RFPL4B: variants seen among roughly 807,000 people sequenced by gnomAD.
RFPL4B encodes ret finger protein-like 4B.
For synonymous variants in RFPL4B, 118 were observed against 126.3 expected, an observed-to-expected ratio of 0.93 and a Z score of 0.44; for missense variants, 314 against 327.7, an observed-to-expected ratio of 0.96 and a Z score of 0.32.
At chr6:112,348,104 G>A (rs1478407770) in intron 1 of RFPL4B, among the ~76,000 whole-genome samples, 2 of 152,162 alleles carry the variant, frequency 1.3e-5, no homozygotes, top group Non-Finnish European at 2.9e-5. Flanking sequence ...CATTTGGGAT[G>A]GTAGTTAACA....
chr6:112,350,372 G>T lies in RFPL4B; in HGVS notation c.664G>T (p.Asp222Tyr), dbSNP rs1562146796. The change falls in exon 3 of 3, where the codon GAT (aspartate) becomes TAT (tyrosine). Residue 222 changes from aspartate to tyrosine, a missense_variant. Transcript: ENST00000441065. ...TGACTTAGAAGAAATCCAGTTTTTT[G>T]ATGTTGACAATAATGTCCTCATCTA... ...DADLEEIQFF[D>Y]VDNNVLIYTH... 1 of 1,614,046 alleles carries T rather than the reference G, an allele frequency of 6.2e-7. No individual in the cohort carries two copies.
chr6:112,350,538 AAG>A lies in RFPL4B; in HGVS notation c.*42_*43del. On this transcript the variant is annotated 3_prime_UTR_variant, in exon 3 of 3. Transcript: ENST00000441065. ...TTCCTAGAAGCTTTCTGAGAGGTGA[AAG>A]AGAATTTTGGCCTGAGAAAGGTCAG... 5 of 1,514,522 alleles carry A rather than the reference AAG, an allele frequency of 3.3e-6. No individual in the cohort carries two copies. The highest frequency in any genetic ancestry group is 4.4e-6 in the Non-Finnish European group (5 of 1,127,288). The allele number at this position is 1,514,522 out of a possible 1,614,324, so 93.8% of individuals were successfully genotyped here. A position where few individuals can be genotyped will look rare whatever the true frequency, so the allele number is the denominator to read the frequency against.
At position 112,350,139 on chromosome 6, in the gene RFPL4B, G is replaced by A; in HGVS notation, c.431G>A (p.Gly144Asp). 3 of 1,614,180 alleles carry A rather than the reference G, an allele frequency of 1.9e-6. No homozygotes were observed. Among genetic ancestry groups the A allele is most frequent in the Non-Finnish European group, 2.5e-6 (3 of 1,180,030 alleles). ...CTGGGTACTCCCTGCTTCTCCTCCG[G>A]CCAACATTACTGGGAGGTTGAAGTG... ...CVLGTPCFSS[G>D]QHYWEVEVGE... The change falls in exon 3 of 3, where the codon GGC becomes GAC. Residue 144 changes from glycine to aspartate, a missense_variant. By Grantham distance (94) the Gly-to-Asp change is moderately conservative. Transcript: ENST00000441065.
Position 112,350,385 on chromosome 6 carries a change from A to G in RFPL4B, c.677A>G (p.Asn226Ser). 1 of 1,614,094 alleles carries G rather than the reference A, an allele frequency of 6.2e-7. No homozygotes were observed. Among genetic ancestry groups the G allele is most frequent in the Non-Finnish European group, 8.5e-7 (1 of 1,179,948 alleles). The stretch of plus-strand genomic sequence containing the variant: ...ATCCAGTTTTTTGATGTTGACAATA[A>G]TGTCCTCATCTATACACATGATGGT... Reference protein sequence around the residue: ...EEIQFFDVDNNVLIYTHDGFF... With the variant: ...EEIQFFDVDNSVLIYTHDGFF... Residue 226 changes from asparagine to serine, a missense_variant, in exon 3 of 3, where the codon AAT becomes AGT. By Grantham distance (46) the Asn-to-Ser change is conservative. Coordinates refer to ENST00000441065, the MANE Select transcript of RFPL4B (RefSeq NM_001013734.3).
rs201836656 is a variant in RFPL4B at position 112,350,292 on chromosome 6, T to C, written c.584T>C (p.Leu195Pro). Residue 195 changes from leucine to proline, a missense_variant, in exon 3 of 3, where the codon CTG becomes CCG. Coordinates refer to ENST00000441065, the MANE Select transcript of RFPL4B (RefSeq NM_001013734.3). ...GGAGCAATCCATGCTAACACCCACC[T>C]GGAGAGAATTCCTGCAAGCCCTCGC... ...KAGAIHANTH[L>P]ERIPASPRLR... is the part of the protein sequence containing the mutation. 272 of 1,614,246 alleles carry C rather than the reference T, an allele frequency of 1.7e-4. 3 individuals are homozygous for C. The South Asian group carries it at 2.9e-3, about 17-fold the overall frequency.
Position 112,350,981 on chromosome 6 carries a change from T to C in RFPL4B, c.*481T>C, listed in dbSNP as rs1398419933. The C allele has an allele frequency of 6.1e-6, 1 of 164,110 alleles. No individual in the cohort carries two copies. The highest frequency in any genetic ancestry group is 1.5e-5 in the Non-Finnish European group (1 of 67,236). 10.2% of individuals were successfully genotyped at this position (164,110 alleles called of 1,614,324 possible). ...CAGCCAGTGTGAGTTATTTTGTTGA[T>C]ACAGCATGAAATTTCAGAGAGACAA... On this transcript the variant is annotated 3_prime_UTR_variant, in exon 3 of 3. Coordinates refer to ENST00000441065, the MANE Select transcript of RFPL4B (RefSeq NM_001013734.3).
At chr6:112,348,788 T>C (rs574227473) in intron 1 of RFPL4B, among the ~76,000 whole-genome samples, 1 of 152,276 alleles carries the variant, frequency 6.6e-6, no homozygotes, top group Admixed American at 6.5e-5. Context: ...ATAATAGCCA[T>C]GGTGGGAAGT....
intron 1 of RFPL4B, among the ~76,000 whole-genome samples, chr6:112,348,051 C>A (rs75363840): frequency 6.6e-6 from 1 of 152,070 alleles, no homozygotes; most frequent in African/African-American, 2.4e-5. Flanking sequence ...TCATAATTAG[C>A]TGAATCATTT....
rs770753680 is a variant in RFPL4B at position 112,350,091 on chromosome 6, A to G, written c.383A>G (p.Lys128Arg). The G allele has an allele frequency of 6.2e-7, 1 of 1,614,170 alleles. No homozygotes were observed. The highest frequency in any genetic ancestry group is 1.1e-5 in the South Asian group (1 of 91,086). The part of the protein sequence containing the change: ...QCKKIHHDLT[K>R]DPRLACVLGT... ...AAGAAGATCCACCACGATCTGACAA[A>G]AGATCCCAGGCTGGCCTGTGTCCTG... The change falls in exon 3 of 3, where the codon AAA (lysine) becomes AGA (arginine). Residue 128 changes from lysine to arginine, a missense_variant. Transcript: ENST00000441065.
At position 112,350,277 on chromosome 6, in the gene RFPL4B, A is replaced by T. The variant is rs1157043703; in HGVS notation, c.569A>T (p.His190Leu). 6.2e-7 allele frequency: 1 copy of T among 1,614,236 alleles called. No homozygotes were observed. Among genetic ancestry groups the T allele is most frequent in the East Asian group, 2.2e-5 (1 of 44,876 alleles). The part of the protein sequence containing the change: ...FWISMKAGAI[H>L]ANTHLERIPA... Reference sequence around the variant, plus strand: ...ATCAGCATGAAGGCAGGAGCAATCCATGCTAACACCCACCTGGAGAGAATT... The same window carrying T: ...ATCAGCATGAAGGCAGGAGCAATCCTTGCTAACACCCACCTGGAGAGAATT... The change falls in exon 3 of 3, where the codon CAT becomes CTT. Residue 190 changes from histidine to leucine, a missense_variant. Physicochemically the swap from His to Leu is moderately conservative, Grantham distance 99. Transcript: ENST00000441065.
At position 112,350,678 on chromosome 6, in the gene RFPL4B, G is replaced by A. The variant is rs1436289569; in HGVS notation, c.*178G>A. On this transcript the variant is annotated 3_prime_UTR_variant, in exon 3 of 3. Transcript: ENST00000441065. ...TTCGGATTTTTGGGGTAAATTTTGT[G>A]GAATTTGTAGCTAGGTAACTGGGGT... 2 of 559,988 alleles carry A rather than the reference G, an allele frequency of 3.6e-6. No individual in the cohort carries two copies. The highest frequency in any genetic ancestry group is 3.8e-5 in the African/African-American group (2 of 53,056). The allele number at this position is 559,988 out of a possible 1,614,324, so 34.7% of individuals were successfully genotyped here.
rs1789145603 is a variant in RFPL4B at position 112,350,886 on chromosome 6, A to G, written c.*386A>G. 5.7e-6 allele frequency: 1 copy of G among 175,794 alleles called. No individual in the cohort carries two copies. Among genetic ancestry groups the G allele is most frequent in the Non-Finnish European group, 1.4e-5 (1 of 74,028 alleles). The allele number at this position is 175,794 out of a possible 1,614,324, so 10.9% of individuals were successfully genotyped here. On this transcript the variant is annotated 3_prime_UTR_variant, in exon 3 of 3. Transcript: ENST00000441065. ...AGATATTAGGTTTTGTGGATAGACA[A>G]TATCTTTTTCATTATTTCAAGCTGT...
At chr6:112,347,832 G>T (rs931244671) in intron 1 of RFPL4B, among the ~76,000 whole-genome samples, 3 of 152,280 alleles carry the variant, frequency 2.0e-5, no homozygotes, top group Admixed American at 2.0e-4. Flanking sequence ...AACTTAGCCG[G>T]ACGTGGTGGC....
At chr6:112,347,974 CAA>C (rs879611349) in intron 1 of RFPL4B, among the ~76,000 whole-genome samples, 2 of 127,690 alleles carry the variant, frequency 1.6e-5, no homozygotes, top group Non-Finnish European at 1.7e-5. Context: ...GACTCCGTCT[CAA>C]AAAAAAAAAA....
At position 112,350,008 on chromosome 6, in the gene RFPL4B, T is replaced by G; in HGVS notation, c.300T>G (p.Asp100Glu). 1 of 1,614,238 alleles carries G rather than the reference T, an allele frequency of 6.2e-7. No individual in the cohort carries two copies. Among genetic ancestry groups the G allele is most frequent in the Non-Finnish European group, 8.5e-7 (1 of 1,180,044 alleles). The change falls in exon 3 of 3, where the codon GAT becomes GAG. Residue 100 changes from aspartate (D) to glutamate (E), a missense_variant. Transcript: ENST00000441065. ...LRHFREDVTLDAATASSLLVF... is the reference protein window; with the variant it reads ...LRHFREDVTLEAATASSLLVF... ...ATTTTCGGGAGGATGTGACCCTGGATGCAGCCACTGCCAGCTCCCTCCTTG... is the reference window on the plus strand; with the variant it reads ...ATTTTCGGGAGGATGTGACCCTGGAGGCAGCCACTGCCAGCTCCCTCCTTG...
rs185574409 is a variant in RFPL4B at position 112,349,854 on chromosome 6, G to A, written c.146G>A (p.Cys49Tyr). The change falls in exon 3 of 3, where the codon TGC becomes TAC. Residue 49 changes from cysteine to tyrosine, a missense_variant. Cys to Tyr is a radical substitution (Grantham distance 194). Transcript: ENST00000441065. ...GAAAACCATGATTTTAGAGCGATGT[G>A]CCCCTTGTGTCGAGACGTGGTGAAG... ...ILENHDFRAM[C>Y]PLCRDVVKVP... is the part of the protein sequence containing the mutation. 1.2e-6 allele frequency: 2 copies of A among 1,614,150 alleles called. No individual in the cohort carries two copies. The highest frequency in any genetic ancestry group is 3.3e-5 in the Admixed American group (2 of 60,018).
In RFPL4B at chr6:112,350,907, G is replaced by A. The variant is rs904609979; in HGVS notation, c.*407G>A. 2.3e-5 allele frequency: 4 copies of A among 171,324 alleles called. No homozygotes were observed. Among genetic ancestry groups the A allele is most frequent in the African/African-American group, 9.6e-5 (4 of 41,538 alleles). The allele number at this position is 171,324 out of a possible 1,614,324, so 10.6% of individuals were successfully genotyped here. Reference sequence around the variant, plus strand: ...GACAATATCTTTTTCATTATTTCAAGCTGTTTTGTGTAATTCCTGATAATG... The same window carrying A: ...GACAATATCTTTTTCATTATTTCAAACTGTTTTGTGTAATTCCTGATAATG... On this transcript the variant is annotated 3_prime_UTR_variant, in exon 3 of 3. Coordinates refer to ENST00000441065, the MANE Select transcript of RFPL4B (RefSeq NM_001013734.3).
rs1332117366 is a variant in RFPL4B, at chr6:112,347,354, T to C, written c.-288T>C. 6.6e-6 allele frequency: 1 copy of C among 152,178 alleles called. No homozygotes were observed. Among genetic ancestry groups the C allele is most frequent in the African/African-American group, 2.4e-5 (1 of 41,444 alleles). 9.4% of individuals were successfully genotyped at this position (152,178 alleles called of 1,614,324 possible). On this transcript the variant is annotated 5_prime_UTR_variant, in exon 1 of 3. Transcript: ENST00000441065. ...CGAGAGGAGCAGAGGTCTGTAGAGGTAGAGACGTAGGCTTCGGATCTTTTA... is the reference window on the plus strand; with the variant it reads ...CGAGAGGAGCAGAGGTCTGTAGAGGCAGAGACGTAGGCTTCGGATCTTTTA...
rs545822758 is a variant in RFPL4B, at chr6:112,350,541, A to G, written c.*41A>G. 3.7e-5 allele frequency: 55 copies of G among 1,502,380 alleles called. 1 individual carries two copies. The South Asian group carries it at 6.8e-4, about 18-fold the overall frequency. 93.1% of individuals were successfully genotyped at this position (1,502,380 alleles called of 1,614,324 possible). On this transcript the variant is annotated 3_prime_UTR_variant, in exon 3 of 3. Coordinates refer to ENST00000441065, the MANE Select transcript of RFPL4B (RefSeq NM_001013734.3). ...CTAGAAGCTTTCTGAGAGGTGAAAG[A>G]GAATTTTGGCCTGAGAAAGGTCAGC...
Sources: allele counts gnomAD v4.1 joint callset (sites outside exome capture counted in the v4.1 genomes callset), GRCh38; gene constraint gnomAD v4.1.1; transcripts MANE v1.5; gene names NCBI Gene and HGNC (gene_info 2026-07-23, HGNC 2026-07-21).